Variants in DNMT1 observed in about 807,000 individuals in gnomAD.
DNMT1 encodes DNA methyltransferase 1, also known as DNA (cytosine-5)-methyltransferase 1.
Under a neutral mutation model 205.3 loss-of-function variants are expected in DNMT1, and 24 were observed. The ratio of observed to expected loss-of-function variants is 0.12; its 90% CI spans 0.08 to 0.16. The LOEUF (loss-of-function observed/expected upper bound fraction) is 0.16, where lower values mean the gene tolerates loss of function less well. DNMT1 is among the 10% of genes least tolerant of loss of function. The probability of loss-of-function intolerance (pLI) is 1.00; values close to 1 mark genes in which losing one functional copy is unlikely to be tolerated. For synonymous variants in DNMT1, 817 were observed against 839.8 expected (o/e 0.97, Z 0.47); for missense variants, 1,293 against 2,177.7 (o/e 0.59, Z 8.09).
chr19:10,148,027 A>C (rs2038236402), intron 27 of DNMT1, among the ~76,000 whole-genome samples: 1 of 150,202 alleles, frequency 6.7e-6, no homozygotes. Context: ...GAGGCAGGAG[A>C]ATCGCTTGAA....
Position 10,133,590 on chromosome 19 carries a change from T to C in DNMT1, c.*77A>G, listed in dbSNP as rs558563730. 3.6e-5 allele frequency: 54 copies of C among 1,508,524 alleles called. No homozygotes were observed. The Admixed American group carries it at 4.3e-4, about 12-fold the overall frequency. 93.4% of individuals were successfully genotyped at this position (1,508,524 alleles called of 1,614,324 possible). ...TGTACCACACATGTGAACGGACAGA[T>C]TGACATGTTAAAAACACAACATCAG... On this transcript the variant is annotated 3_prime_UTR_variant, in exon 41 of 41. Transcript: ENST00000359526. The surrounding 1 kb of genome is among the most constrained non-coding windows in gnomAD (Gnocchi z 4.1).
chr19:10,140,166 T>A lies in DNMT1; in HGVS notation c.3686A>T (p.Gln1229Leu). Residue 1229 changes from glutamine to leucine, a missense_variant, in exon 33 of 41, where the codon CAG becomes CTG. By Grantham distance (113) the Gln-to-Leu change is moderately radical. This residue lies in a region of DNMT1 where 24 missense variants were observed against 27.2 expected (regional missense o/e 0.88). Transcript: ENST00000359526. This position sits in a 1 kb window ranked among gnomAD's most constrained non-coding sequence, Gnocchi z 8.4. Reference protein sequence around the residue: ...TTNSRGQRLPQKGDVEMLCGG... With the variant: ...TTNSRGQRLPLKGDVEMLCGG... ...GCACAGCATCTCCACGTCTCCCTTC[T>A]GGGGCAGCCGCTGGCCGCGGGAGTT... 1.2e-6 allele frequency: 2 copies of A among 1,613,748 alleles called. No homozygotes were observed. Among genetic ancestry groups the A allele is most frequent in the Non-Finnish European group, 1.7e-6 (2 of 1,180,016 alleles).
At position 10,160,205 on chromosome 19, in the gene DNMT1, C is replaced by T. The variant is rs2038539955; in HGVS notation, c.1044-142G>A. ...GCAGTGAGGCCCAGGCGCGTGGTCA[C>T]AGTGGCTCTTCACCGCAGGGGCATC... is the stretch of plus-strand genomic sequence containing the variant. On this transcript the variant is annotated intron_variant, in intron 14 of 40. Transcript: ENST00000359526. 3 of 1,534,548 alleles carry T rather than the reference C, an allele frequency of 2.0e-6. No individual in the cohort carries two copies. The South Asian group carries it at 3.4e-5, about 17-fold the overall frequency.
chr19:10,134,592 G>A (rs1397962376), intron 39 of DNMT1, among the ~76,000 whole-genome samples: 4 of 152,252 alleles, frequency 2.6e-5, no homozygotes, highest in African/African-American at 7.2e-5. Context: ...AGTGGCTCAC[G>A]CCTGTAATCC....
rs1435853542 is a variant in DNMT1 at position 10,154,042 on chromosome 19, A to T, written c.2019+251T>A. 6.6e-6 allele frequency among the ~76,000 whole-genome samples: 1 copy of T among 152,204 alleles called. No individual in the cohort carries two copies. The highest frequency in any genetic ancestry group is 2.4e-5 in the African/African-American group (1 of 41,456). The stretch of plus-strand genomic sequence containing the variant: ...ATGCAGGCACAGCAGAGCCACCCAG[A>T]AGCCAGGCTCTTCAATTAAGGACAG... On this transcript the variant is annotated intron_variant, in intron 22 of 40. Coordinates refer to ENST00000359526, the MANE Select transcript of DNMT1 (RefSeq NM_001130823.3). The surrounding 1 kb of genome is among the most constrained non-coding windows in gnomAD (Gnocchi z 6.3).
chr19:10,180,639 T>A, intron 3 of DNMT1, 70 bp from the exon 4 acceptor site: 4 of 1,532,230 alleles, frequency 2.6e-6, no homozygotes, highest in Non-Finnish European at 3.6e-6. Flanking sequence ...GAAACACATG[T>A]GTTTCCTTCA....
At chr19:10,185,263 A>C (rs1415884370) in intron 1 of DNMT1, among the ~76,000 whole-genome samples, 1 of 152,014 alleles carries the variant, frequency 6.6e-6, no homozygotes, top group Non-Finnish European at 1.5e-5. Flanking sequence ...GCCTCTACTA[A>C]AAATACAAAA....
At chr19:10,188,848 C>T (rs1406791503) in intron 1 of DNMT1, among the ~76,000 whole-genome samples, 4 of 152,168 alleles carry the variant, frequency 2.6e-5, no homozygotes, top group Non-Finnish European at 5.9e-5. Flanking sequence ...CCTCCAGAAG[C>T]GGGCAACGAC....
At chr19:10,178,865 G>A (rs1289699336) in intron 5 of DNMT1, among the ~76,000 whole-genome samples, 7 of 151,844 alleles carry the variant, frequency 4.6e-5, no homozygotes, top group Non-Finnish European at 1.5e-5. Flanking sequence ...GGTGGCTCAC[G>A]CCTGTAATCC....
chr19:10,133,463 A>G lies in DNMT1; in HGVS notation c.*204T>C. 1 of 618,492 alleles carries G rather than the reference A, an allele frequency of 1.6e-6. No homozygotes were observed. Among genetic ancestry groups the G allele is most frequent in the South Asian group, 2.1e-5 (1 of 48,354 alleles). The allele number at this position is 618,492 out of a possible 1,614,324, so 38.3% of individuals were successfully genotyped here. ...ATAATGCATAATAAAAAACTTTTAA[A>G]ATCCAGAATGCACAAAGTACTGCAC... On this transcript the variant is annotated 3_prime_UTR_variant, in exon 41 of 41. Coordinates refer to ENST00000359526, the MANE Select transcript of DNMT1 (RefSeq NM_001130823.3). This position sits in a 1 kb window ranked among gnomAD's most constrained non-coding sequence, Gnocchi z 4.1.
chr19:10,141,212 C>T (rs1307847042), intron 30 of DNMT1, 23 bp from the exon 31 acceptor site: 3 of 1,612,278 alleles, frequency 1.9e-6, no homozygotes, highest in Non-Finnish European at 2.5e-6. Context: ...GAACTGCAAT[C>T]GTTTGGGAGA....
chr19:10,172,754 G>A (rs1299572011), intron 9 of DNMT1, among the ~76,000 whole-genome samples: 1 of 152,090 alleles, frequency 6.6e-6, no homozygotes, highest in Non-Finnish European at 1.5e-5. Context: ...GGCAGAGGTT[G>A]CAACGAGCCG....
In DNMT1 at chr19:10,166,705, A is replaced by G; in HGVS notation, c.804-20T>C. 6.2e-7 allele frequency: 1 copy of G among 1,613,984 alleles called. No individual in the cohort carries two copies. The highest frequency in any genetic ancestry group is 1.3e-5 in the African/African-American group (1 of 75,034). On this transcript the variant is annotated intron_variant, in intron 10 of 40. Transcript: ENST00000359526. ...GGTGTTCTGTCACAGAAGACAACAC[A>G]CACACAGGCTGGTCAGCTCGGGGGG...
chr19:10,186,519 C>A (rs1206711579), intron 1 of DNMT1, among the ~76,000 whole-genome samples: 2 of 152,052 alleles, frequency 1.3e-5, no homozygotes. Context: ...CAGAGATGAA[C>A]CCTCTGCAGA....
chr19:10,185,804 T>G (rs1460589924), intron 1 of DNMT1, among the ~76,000 whole-genome samples: 11 of 147,010 alleles, frequency 7.5e-5, no homozygotes, highest in African/African-American at 2.5e-4. Context: ...CAATCCAGCC[T>G]GTTCAGCCTG....
chr19:10,168,991 C>T (rs2038750627), intron 9 of DNMT1, among the ~76,000 whole-genome samples: 1 of 152,130 alleles, frequency 6.6e-6, no homozygotes, highest in Non-Finnish European at 1.5e-5. Flanking sequence ...GCACACACCA[C>T]CATGACCAGC....
chr19:10,159,978 G>C lies in DNMT1; in HGVS notation c.1089+40C>G, dbSNP rs369046115. On this transcript the variant is annotated intron_variant, in intron 15 of 40. Transcript: ENST00000359526. This position sits in a 1 kb window ranked among gnomAD's most constrained non-coding sequence, Gnocchi z 5.0. The stretch of plus-strand genomic sequence containing the variant: ...TCAGAGAGCAGCTCCCAGCCGCCTC[G>C]TGAGCGCCGCCACCGGCTTTATTCC... The C allele has an allele frequency of 6.2e-7, 1 of 1,614,240 alleles. No homozygotes were observed. Among genetic ancestry groups the C allele is most frequent in the Non-Finnish European group, 8.5e-7 (1 of 1,180,048 alleles).
chr19:10,180,024 T>A, intron 5 of DNMT1, 163 bp downstream of exon 5: 1 of 278,376 alleles, frequency 3.6e-6, no homozygotes, highest in South Asian at 4.8e-5. Flanking sequence ...AGAAAGAGAG[T>A]TAAGCAGGGC....
chr19:10,182,384 C>CATATATATGTGTATATATATACAT (rs1568255870), intron 1 of DNMT1, among the ~76,000 whole-genome samples: 16 of 140,084 alleles, frequency 1.1e-4, no homozygotes, highest in African/African-American at 4.2e-4. Flanking sequence ...TATATATATA[C>CATATATATGTGTATATATATACAT]ATATATATGT....
Sources: allele counts gnomAD v4.1 joint callset (sites outside exome capture counted in the v4.1 genomes callset), GRCh38; gene constraint gnomAD v4.1.1; regional missense constraint gnomAD v4.1.1; non-coding constraint Gnocchi (gnomAD v3.1); transcripts MANE v1.5; gene names NCBI Gene and HGNC (gene_info 2026-07-23, HGNC 2026-07-21).